Variants in TRPC1 observed in about 807,000 individuals in gnomAD.
TRPC1 encodes the protein transient receptor potential cation channel subfamily C member 1, also known as short transient receptor potential channel 1.
In TRPC1, 42 loss-of-function variants were observed where a neutral mutation model predicts 88.2. The ratio of observed to expected loss-of-function variants is 0.48; its 90% CI spans 0.37 to 0.62. TRPC1 has a LOEUF of 0.62. Ranked by LOEUF, TRPC1 falls within the 20% of genes least tolerant of loss-of-function variation. The pLI is 0.00. For missense variants in TRPC1, 699 were observed against 957.3 expected (o/e 0.73, Z 3.56); for synonymous variants, 288 against 331.8 (o/e 0.87, Z 1.43).
chr3:142,778,776 T>G (rs1935867010), intron 5 of TRPC1, among the ~76,000 whole-genome samples: 1 of 152,212 alleles, frequency 6.6e-6, no homozygotes, highest in South Asian at 2.1e-4. Flanking sequence ...TGGAGTTTTC[T>G]TTAGCTTTAA....
At chr3:142,726,633 C>T (rs929850737) in intron 1 of TRPC1, among the ~76,000 whole-genome samples, 14 of 152,262 alleles carry the variant, frequency 9.2e-5, no homozygotes, top group South Asian at 4.1e-4. Flanking sequence ...AATTCTTACG[C>T]ATACTTATGG....
intron 1 of TRPC1, among the ~76,000 whole-genome samples, chr3:142,731,626 C>T (rs915835371): frequency 7.2e-5 from 11 of 151,758 alleles, no homozygotes; most frequent in African/African-American, 2.7e-4. Flanking sequence ...CCTCATGATC[C>T]GCCTGCCTCA....
chr3:142,726,834 C>T (rs1933692543), intron 1 of TRPC1, among the ~76,000 whole-genome samples: 1 of 152,192 alleles, frequency 6.6e-6, no homozygotes, highest in Non-Finnish European at 1.5e-5. Flanking sequence ...TAAACATTCA[C>T]TAAAGCAGCT....
chr3:142,806,893 TAATA>T lies in TRPC1; in HGVS notation c.*659_*662del, dbSNP rs1280028805. 4 of 152,130 alleles carry T rather than the reference TAATA, an allele frequency of 2.6e-5. No individual in the cohort carries two copies. The East Asian group carries it at 7.7e-4, about 29-fold the overall frequency. The allele number at this position is 152,130 out of a possible 1,614,324, so 9.4% of individuals were successfully genotyped here. A position where few individuals can be genotyped will look rare whatever the true frequency, so the allele number is the denominator to read the frequency against. ...TTATATTTTTAATGTTTTTTTCACT[TAATA>T]TTTTATATATACATTTCCATGTATT... On this transcript the variant is annotated 3_prime_UTR_variant, in exon 13 of 13. Transcript: ENST00000476941.
chr3:142,773,954 A>AT (rs1327032771), intron 4 of TRPC1, among the ~76,000 whole-genome samples: 1 of 150,652 alleles, frequency 6.6e-6, no homozygotes, highest in Non-Finnish European at 1.5e-5. Flanking sequence ...TGTTTTTTAT[A>AT]TTTTTTACAT....
intron 1 of TRPC1, 115 bp from the exon 2 acceptor site, chr3:142,736,264 A>G (rs2108020741): frequency 1.4e-6 from 1 of 730,506 alleles, no homozygotes; most frequent in South Asian, 3.6e-5. Flanking sequence ...ATTTTCTTAT[A>G]CAAAAATGAG....
chr3:142,763,157 T>C (rs1935244314), intron 4 of TRPC1, among the ~76,000 whole-genome samples: 1 of 152,104 alleles, frequency 6.6e-6, no homozygotes, highest in Non-Finnish European at 1.5e-5. Context: ...TAGGGTGAAA[T>C]GTTCTATAAA....
rs114905575 is a variant in TRPC1, at chr3:142,777,699, A to G, written c.700A>G (p.Ile234Val). The change falls in exon 5 of 13, where the codon ATT (isoleucine) becomes GTT (valine). Residue 234 changes from isoleucine (I) to valine (V), a missense_variant. This residue lies in a region of TRPC1 where 426 missense variants were observed against 641.3 expected (regional missense o/e 0.66). Coordinates refer to ENST00000476941, the MANE Select transcript of TRPC1 (RefSeq NM_001251845.2). ...ALIMLTEEDP[I>V]LRAFELSADL... ...AATAATGTTAACAGAGGAGGATCCAATTCTGAGAGCATTTGAACTTAGTGC... is the reference window on the plus strand; with the variant it reads ...AATAATGTTAACAGAGGAGGATCCAGTTCTGAGAGCATTTGAACTTAGTGC... 2 of 1,613,346 alleles carry G rather than the reference A, an allele frequency of 1.2e-6. No homozygotes were observed. The highest frequency in any genetic ancestry group is 2.2e-5 in the East Asian group (1 of 44,828).
At chr3:142,766,940 T>C (rs1466613048) in intron 4 of TRPC1, among the ~76,000 whole-genome samples, 5 of 152,262 alleles carry the variant, frequency 3.3e-5, no homozygotes, top group African/African-American at 1.2e-4. Context: ...ATATATTGTA[T>C]GTCCTTTAAA....
chr3:142,751,587 AAATGGT>A (rs1346884130), intron 4 of TRPC1, among the ~76,000 whole-genome samples: 1 of 152,220 alleles, frequency 6.6e-6, no homozygotes, highest in Non-Finnish European at 1.5e-5. Flanking sequence ...GTGTGTATGT[AAATGGT>A]AATTAAATAT....
chr3:142,784,598 T>C (rs1372227166), intron 6 of TRPC1, 106 bp from the exon 7 acceptor site: 1 of 893,824 alleles, frequency 1.1e-6, no homozygotes. Context: ...ATGTATAGAA[T>C]TGATTTTTAA....
rs758182603 is a variant in TRPC1 at position 142,806,033 on chromosome 3, G to C, written c.2180G>C (p.Arg727Thr). ...LKEWRNLKQK[R>T]DENYQKVMCC... ...GAATGGAGGAATTTGAAACAGAAGA[G>C]AGATGAAAACTATCAAAAAGTGATG... The change falls in exon 13 of 13, where the codon AGA (arginine) becomes ACA (threonine). Residue 727 changes from arginine (R) to threonine (T), a missense_variant. Physicochemically the swap from Arg to Thr is moderately conservative, Grantham distance 71. Around this residue, in one of 4 missense-constraint regions of TRPC1, gnomAD observed 105 missense variants for 141.7 expected, o/e 0.74. Coordinates refer to ENST00000476941, the MANE Select transcript of TRPC1 (RefSeq NM_001251845.2). The C allele has an allele frequency of 1.9e-6, 3 of 1,613,496 alleles. No individual in the cohort carries two copies. In the Admixed American group the frequency reaches 5.0e-5, roughly 27 times the overall value.
At chr3:142,759,007 A>G (rs1218431301) in intron 4 of TRPC1, among the ~76,000 whole-genome samples, 1 of 151,762 alleles carries the variant, frequency 6.6e-6, no homozygotes, top group Non-Finnish European at 1.5e-5. Context: ...ACATGAACTC[A>G]TCCTTTTTTA....
chr3:142,752,408 C>T lies in TRPC1; in HGVS notation c.632+3948C>T, dbSNP rs1445444468. Among the ~76,000 whole-genome samples, 5 of 152,294 alleles carry T rather than the reference C, an allele frequency of 3.3e-5. No individual in the cohort carries two copies. The South Asian group carries it at 1.0e-3, about 31-fold the overall frequency. On this transcript the variant is annotated intron_variant, in intron 4 of 12. Transcript: ENST00000476941. Reference sequence around the variant, plus strand: ...TATGTTTCTCTCCACCCAAACATCTCAGTGGAGTAAAGAATAACAAGGCAA... The same window carrying T: ...TATGTTTCTCTCCACCCAAACATCTTAGTGGAGTAAAGAATAACAAGGCAA...
At chr3:142,771,940 G>A (rs987466384) in intron 4 of TRPC1, among the ~76,000 whole-genome samples, 2 of 152,074 alleles carry the variant, frequency 1.3e-5, no homozygotes, top group African/African-American at 4.8e-5. Flanking sequence ...GCTGGATTTA[G>A]GATTTATGAT....
chr3:142,786,456 A>G (rs989408404), intron 7 of TRPC1, among the ~76,000 whole-genome samples: 6 of 152,168 alleles, frequency 3.9e-5, no homozygotes, highest in African/African-American at 7.2e-5. Flanking sequence ...TGATGCATTA[A>G]TGTTTAAAAT....
chr3:142,762,597 T>C (rs1481142622), intron 4 of TRPC1, among the ~76,000 whole-genome samples: 1 of 151,582 alleles, frequency 6.6e-6, no homozygotes, highest in Non-Finnish European at 1.5e-5. Context: ...CCTGGCTAAT[T>C]TTTGTATTTT....
intron 1 of TRPC1, among the ~76,000 whole-genome samples, chr3:142,728,510 AG>A (rs1213836686): frequency 6.6e-6 from 1 of 151,880 alleles, no homozygotes; most frequent in Non-Finnish European, 1.5e-5. Flanking sequence ...TAGTAGAGAC[AG>A]GGTTTCACCA....
intron 3 of TRPC1, 151 bp from the exon 4 acceptor site, chr3:142,748,107 A>G (rs1934624729): frequency 2.8e-6 from 2 of 714,188 alleles, no homozygotes; most frequent in South Asian, 4.3e-5. Context: ...GGTTTCAAAG[A>G]AAAATTTAGT....
Sources: gnomAD v4.1 joint callset for allele counts (sites outside exome capture counted in the v4.1 genomes callset) on GRCh38, gnomAD v4.1.1 for gene constraint, gnomAD v4.1.1 regional missense constraint, MANE v1.5 for transcripts, NCBI Gene and HGNC (gene_info 2026-07-23, HGNC 2026-07-21) for gene names.